Variants in NRXN3 observed in about 807,000 individuals in gnomAD.
NRXN3 encodes the protein neurexin 3, also known as neurexin III.
In NRXN3, 32 loss-of-function variants were observed where a neutral mutation model predicts 137.6. The ratio of observed to expected loss-of-function variants is 0.23; its 90% CI spans 0.18 to 0.31. The LOEUF is 0.31. Ranked by LOEUF, NRXN3 falls within the 10% of genes least tolerant of loss-of-function variation. The probability of loss-of-function intolerance (pLI) is 1.00; values close to 1 mark genes in which losing one functional copy is unlikely to be tolerated. For missense variants in NRXN3, 1,574 were observed against 2,062.5 expected, an observed-to-expected ratio of 0.76 and a Z score of 4.59; for synonymous variants, 798 against 784.5, an observed-to-expected ratio of 1.02 and a Z score of -0.29.
chr14:79,273,430 G>A (rs1305017040), intron 15 of NRXN3, among the ~76,000 whole-genome samples: 1 of 151,280 alleles, frequency 6.6e-6, no homozygotes, highest in Admixed American at 6.6e-5. Context: ...GTCAGGAGAT[G>A]GAGACCATCC....
chr14:79,572,531 G>C (rs7141526), intron 16 of NRXN3, among the ~76,000 whole-genome samples: 23,230 of 152,060 alleles, frequency 0.15, 2,159 homozygotes, highest in African/African-American at 0.27. Context: ...GCTCTTTTGT[G>C]ATGTGGTTTA....
At chr14:79,531,203 C>G (rs932364070) in intron 16 of NRXN3, among the ~76,000 whole-genome samples, 1 of 152,094 alleles carries the variant, frequency 6.6e-6, no homozygotes, top group African/African-American at 2.4e-5. Flanking sequence ...ATGCTCATAC[C>G]CTAGTTTTTA....
chr14:78,512,937 G>A (rs558163634), intron 4 of NRXN3, among the ~76,000 whole-genome samples: 1 of 152,186 alleles, frequency 6.6e-6, no homozygotes, highest in Non-Finnish European at 1.5e-5. Context: ...CGTAGGATCT[G>A]AAGCAGTCCT....
chr14:79,732,784 C>CA (rs1352123043), intron 19 of NRXN3, among the ~76,000 whole-genome samples: 11 of 151,936 alleles, frequency 7.2e-5, no homozygotes, highest in Admixed American at 6.6e-4. Context: ...AAATTAGGAA[C>CA]AAAAAAACTT....
At chr14:79,500,547 G>T (rs2096815375) in intron 16 of NRXN3, among the ~76,000 whole-genome samples, 1 of 152,174 alleles carries the variant, frequency 6.6e-6, no homozygotes. Flanking sequence ...CCTCTCCATA[G>T]ATGATTAGAA....
intron 1 of NRXN3, among the ~76,000 whole-genome samples, chr14:78,204,240 G>C (rs7149326): frequency 0.048 from 7,280 of 150,600 alleles, 372 homozygotes; most frequent in African/African-American, 0.13. Context: ...TATTAGATAG[G>C]CCTAAAAAAG....
At chr14:79,548,948 C>T (rs1012225945) in intron 16 of NRXN3, among the ~76,000 whole-genome samples, 6 of 152,010 alleles carry the variant, frequency 3.9e-5, no homozygotes, top group African/African-American at 1.4e-4. Flanking sequence ...CCTATGCTGA[C>T]TTTATTACCT....
At position 79,274,211 on chromosome 14, in the gene NRXN3, T is replaced by G. The variant is rs561608554; in HGVS notation, c.3263-193010T>G. Among the ~76,000 whole-genome samples the G allele has an allele frequency of 8.6e-4, 130 of 151,850 alleles. 1 individual carries two copies. Among genetic ancestry groups the G allele is most frequent in the Admixed American group, 1.6e-3 (25 of 15,262 alleles). On this transcript the variant is annotated intron_variant, in intron 15 of 20. Transcript: ENST00000335750. ...GTGGAGCACCAGAGCCCATTCTAAA[T>G]CTGAATGCACTCTCAAAGTGTCTTG...
At chr14:79,033,725 A>C (rs2099611486) in intron 15 of NRXN3, among the ~76,000 whole-genome samples, 1 of 152,084 alleles carries the variant, frequency 6.6e-6, no homozygotes, top group Non-Finnish European at 1.5e-5. Flanking sequence ...TAAGAAACAC[A>C]GTTTGGAAAA....
At chr14:79,323,665 C>T (rs2090410343) in intron 15 of NRXN3, among the ~76,000 whole-genome samples, 1 of 151,856 alleles carries the variant, frequency 6.6e-6, no homozygotes, top group Non-Finnish European at 1.5e-5. Context: ...CGAGACCATC[C>T]TGGCCAATGT....
chr14:78,223,195 G>C (rs946454357), intron 1 of NRXN3, among the ~76,000 whole-genome samples: 1 of 152,192 alleles, frequency 6.6e-6, no homozygotes, highest in Admixed American at 6.5e-5. Flanking sequence ...CTGCAAAAGG[G>C]GGAGGCTGAA....
chr14:79,421,283 G>C, intron 15 of NRXN3, among the ~76,000 whole-genome samples: 1 of 152,082 alleles, frequency 6.6e-6, no homozygotes, highest in Non-Finnish European at 1.5e-5. Flanking sequence ...AGTGGGAAAG[G>C]CTCTGATCCA....
intron 15 of NRXN3, among the ~76,000 whole-genome samples, chr14:79,259,631 C>A (rs2077283031): frequency 1.4e-5 from 2 of 139,560 alleles, no homozygotes; most frequent in South Asian, 2.3e-4. Flanking sequence ...ATCTATATAG[C>A]TATATATATA....
chr14:78,816,560 A>G (rs2098933916), intron 10 of NRXN3, among the ~76,000 whole-genome samples: 1 of 152,152 alleles, frequency 6.6e-6, no homozygotes, highest in African/African-American at 2.4e-5. Context: ...TTAAATCAGC[A>G]CCGTACATTT....
intron 10 of NRXN3, among the ~76,000 whole-genome samples, chr14:78,907,020 C>A (rs186394283): frequency 6.6e-6 from 1 of 151,870 alleles, no homozygotes; most frequent in South Asian, 2.1e-4. Flanking sequence ...TGTCTGTTAC[C>A]GAAGTAGGGA....
At chr14:78,679,877 G>A (rs1204159004) in intron 6 of NRXN3, among the ~76,000 whole-genome samples, 1 of 152,082 alleles carries the variant, frequency 6.6e-6, no homozygotes, top group Non-Finnish European at 1.5e-5. Context: ...CAAATCCGTT[G>A]TCTAGTTTTC....
At chr14:78,235,604 A>C (rs2066176551) in intron 1 of NRXN3, among the ~76,000 whole-genome samples, 1 of 152,118 alleles carries the variant, frequency 6.6e-6, no homozygotes, top group Non-Finnish European at 1.5e-5. Context: ...GTAAAAAAAA[A>C]AAAAAGTGTT....
chr14:78,379,191 CAG>C (rs1227640910), intron 4 of NRXN3, among the ~76,000 whole-genome samples: 1 of 152,076 alleles, frequency 6.6e-6, no homozygotes, highest in Non-Finnish European at 1.5e-5. Context: ...TACCAAACAG[CAG>C]AGTTGACACT....
At chr14:79,593,468 A>C (rs1602603887) in intron 16 of NRXN3, among the ~76,000 whole-genome samples, 1 of 152,082 alleles carries the variant, frequency 6.6e-6, no homozygotes, top group East Asian at 1.9e-4. Context: ...GTCTCTACTA[A>C]AAATACAAAA....
Sources: gnomAD v4.1 joint callset for allele counts (sites outside exome capture counted in the v4.1 genomes callset) on GRCh38, gnomAD v4.1.1 for gene constraint, MANE v1.5 for transcripts, NCBI Gene and HGNC (gene_info 2026-07-23, HGNC 2026-07-21) for gene names.